MGMT: variants seen among roughly 807,000 people sequenced by gnomAD.
MGMT encodes methylated-DNA--protein-cysteine methyltransferase.
Under a neutral mutation model 15.9 loss-of-function variants are expected in MGMT, and 14 were observed. That is an observed-to-expected ratio of 0.88 (90% CI 0.58 to 1.37). MGMT has a LOEUF of 1.37. Ranked by LOEUF, MGMT falls within the 40% of genes most tolerant of loss-of-function variation. The pLI, the probability that MGMT is intolerant of heterozygous loss-of-function variation, is 0.00. For synonymous variants in MGMT, 130 were observed against 118.2 expected (o/e 1.10, Z -0.65); for missense variants, 282 against 268.1 (o/e 1.05, Z -0.36).
rs897584826 is a variant in MGMT, at chr10:129,770,634, C to T, written c.*3637C>T. Reference sequence around the variant, plus strand: ...GTTCATGAAGCTACAGATCTTAGTGCTACTTGGGCTTCTCACAGCACAGAG... The same window carrying T: ...GTTCATGAAGCTACAGATCTTAGTGTTACTTGGGCTTCTCACAGCACAGAG... On this transcript the variant is annotated 3_prime_UTR_variant, in exon 5 of 5. Coordinates refer to ENST00000651593, the MANE Select transcript of MGMT (RefSeq NM_002412.5). Among the ~76,000 whole-genome samples, 4 of 152,228 alleles carry T rather than the reference C, an allele frequency of 2.6e-5. No individual in the cohort carries two copies. Among genetic ancestry groups the T allele is most frequent in the Admixed American group, 6.5e-5 (1 of 15,286 alleles).
At chr10:129,676,393 C>T (rs965071903) in intron 2 of MGMT, among the ~76,000 whole-genome samples, 4 of 152,170 alleles carry the variant, frequency 2.6e-5, no homozygotes, top group Non-Finnish European at 5.9e-5. Context: ...GGGATGACTG[C>T]GGGGAGAAGG....
intron 2 of MGMT, among the ~76,000 whole-genome samples, chr10:129,705,232 G>A (rs965312915): frequency 1.3e-5 from 2 of 152,224 alleles, no homozygotes; most frequent in East Asian, 3.9e-4. Flanking sequence ...AGAAGCTCCA[G>A]AACTTTAGAT....
intron 2 of MGMT, among the ~76,000 whole-genome samples, chr10:129,636,291 C>T (rs960584936): frequency 2.0e-5 from 3 of 152,164 alleles, no homozygotes; most frequent in Non-Finnish European, 4.4e-5. Flanking sequence ...GTAGACACCC[C>T]CTCAGGACTG....
chr10:129,743,131 G>A (rs369471158), intron 3 of MGMT, among the ~76,000 whole-genome samples: 15 of 152,220 alleles, frequency 9.9e-5, no homozygotes, highest in African/African-American at 2.6e-4. Context: ...GGGGCGGGTC[G>A]TTACTGATCT....
intron 2 of MGMT, among the ~76,000 whole-genome samples, chr10:129,639,149 A>G (rs936213160): frequency 2.0e-5 from 3 of 152,200 alleles, no homozygotes; most frequent in East Asian, 3.8e-4. Context: ...AAATTAGTGG[A>G]AAAAATACAA....
intron 1 of MGMT, among the ~76,000 whole-genome samples, chr10:129,488,398 A>G (rs376886946): frequency 2.5e-4 from 38 of 151,932 alleles, no homozygotes; most frequent in African/African-American, 8.9e-4. Flanking sequence ...TTCTGCCCAT[A>G]TTTCTGTTGG....
At chr10:129,760,562 G>A (rs1372015747) in intron 4 of MGMT, among the ~76,000 whole-genome samples, 1 of 152,110 alleles carries the variant, frequency 6.6e-6, no homozygotes, top group Admixed American at 6.5e-5. Flanking sequence ...GGGAGAGGCC[G>A]GCGTGTTCAT....
intron 2 of MGMT, among the ~76,000 whole-genome samples, chr10:129,574,360 G>A (rs976040842): frequency 2.0e-5 from 3 of 152,168 alleles, no homozygotes; most frequent in Non-Finnish European, 4.4e-5. Flanking sequence ...TTTACCTTTC[G>A]TTTTTAAGGT....
rs1004955793 is a variant in MGMT at position 129,770,768 on chromosome 10, C to A, written c.*3771C>A. 4.6e-5 allele frequency among the ~76,000 whole-genome samples: 7 copies of A among 152,188 alleles called. No individual in the cohort carries two copies. The highest frequency in any genetic ancestry group is 1.7e-4 in the African/African-American group (7 of 41,452). ...AAGACCAATCCCGAAACGGCCCTTG[C>A]TTCGGCCACAGCTGCTGGGATGTCC... On this transcript the variant is annotated 3_prime_UTR_variant, in exon 5 of 5. Transcript: ENST00000651593.
At chr10:129,734,669 C>T (rs375618887) in intron 3 of MGMT, among the ~76,000 whole-genome samples, 2 of 152,042 alleles carry the variant, frequency 1.3e-5, no homozygotes, top group Non-Finnish European at 2.9e-5. Flanking sequence ...CCAGTTTTTG[C>T]CCATTCAGTA....
intron 2 of MGMT, among the ~76,000 whole-genome samples, chr10:129,703,436 G>A (rs973710883): frequency 6.6e-6 from 1 of 152,172 alleles, no homozygotes; most frequent in Non-Finnish European, 1.5e-5. Flanking sequence ...GTTGCTGGGG[G>A]CACAGAACCT....
At chr10:129,664,708 A>T (rs1400270590) in intron 2 of MGMT, among the ~76,000 whole-genome samples, 1 of 152,206 alleles carries the variant, frequency 6.6e-6, no homozygotes, top group African/African-American at 2.4e-5. Flanking sequence ...GAAGAATGAT[A>T]AGCAGGATGA....
intron 2 of MGMT, among the ~76,000 whole-genome samples, chr10:129,553,443 G>T (rs1846180278): frequency 6.6e-6 from 1 of 152,206 alleles, no homozygotes; most frequent in African/African-American, 2.4e-5. Flanking sequence ...CCAGCACCTT[G>T]CGAGCAGTGG....
At chr10:129,518,227 C>A (rs1845760693) in intron 1 of MGMT, among the ~76,000 whole-genome samples, 1 of 151,934 alleles carries the variant, frequency 6.6e-6, no homozygotes, top group African/African-American at 2.4e-5. Context: ...CACCTTCTTT[C>A]AGCAGCATTT....
chr10:129,554,588 G>A lies in MGMT; in HGVS notation c.125+18211G>A, dbSNP rs147477215. Among the ~76,000 whole-genome samples the A allele has an allele frequency of 6.0e-3, 919 of 152,284 alleles. 5 individuals are homozygous for A. Among genetic ancestry groups the A allele is most frequent in the Non-Finnish European group, 9.2e-3 (626 of 68,026 alleles). On this transcript the variant is annotated intron_variant, in intron 2 of 4. Transcript: ENST00000651593. ...CGATGAACACTATGTAGCCCTGGGTGAGTGCTTCCTGAGCAAGCTTGCTTT... is the reference window on the plus strand; with the variant it reads ...CGATGAACACTATGTAGCCCTGGGTAAGTGCTTCCTGAGCAAGCTTGCTTT...
At chr10:129,750,054 TCTC>T (rs1382835752) in intron 3 of MGMT, among the ~76,000 whole-genome samples, 2 of 152,138 alleles carry the variant, frequency 1.3e-5, no homozygotes, top group African/African-American at 4.8e-5. Context: ...ACATATATCT[TCTC>T]CTAGTCTGCC....
At chr10:129,479,237 T>C (rs1845329383) in intron 1 of MGMT, among the ~76,000 whole-genome samples, 1 of 152,254 alleles carries the variant, frequency 6.6e-6, no homozygotes, top group African/African-American at 2.4e-5. Flanking sequence ...GGACATATAA[T>C]AATTGATCTT....
intron 4 of MGMT, among the ~76,000 whole-genome samples, chr10:129,766,330 T>C (rs1848934262): frequency 1.3e-5 from 2 of 152,178 alleles, no homozygotes; most frequent in Non-Finnish European, 2.9e-5. Context: ...TGGCCGGCCA[T>C]GGGCTGGAGA....
At chr10:129,575,179 C>T (rs1011139647) in intron 2 of MGMT, among the ~76,000 whole-genome samples, 27 of 152,230 alleles carry the variant, frequency 1.8e-4, no homozygotes, top group Admixed American at 1.0e-3. Flanking sequence ...CTGCACCAAG[C>T]GGACCTAATA....
Sources: gnomAD v4.1 joint callset for allele counts (sites outside exome capture counted in the v4.1 genomes callset) on GRCh38, gnomAD v4.1.1 for gene constraint, MANE v1.5 for transcripts, NCBI Gene and HGNC (gene_info 2026-07-23, HGNC 2026-07-21) for gene names.